CACNG3: variants seen among roughly 807,000 people sequenced by gnomAD.
CACNG3 encodes voltage-dependent calcium channel gamma-3 subunit.
In CACNG3, 3 loss-of-function variants were observed where a neutral mutation model predicts 28.5. The observed-to-expected ratio is 0.11, with a 90% CI of 0.05 to 0.27. The LOEUF (loss-of-function observed/expected upper bound fraction) is 0.27, where lower values mean the gene tolerates loss of function less well. CACNG3 is among the 10% of genes least tolerant of loss of function. The pLI is 1.00. For missense variants in CACNG3, 236 were observed against 414.4 expected (o/e 0.57, Z 3.74); for synonymous variants, 174 against 162.2 (o/e 1.07, Z -0.55).
At chr16:24,328,183 G>T (rs1337966874) in intron 1 of CACNG3, among the ~76,000 whole-genome samples, 2 of 152,026 alleles carry the variant, frequency 1.3e-5, no homozygotes, top group Non-Finnish European at 2.9e-5. Context: ...GTGGTGCTGT[G>T]AGGGCAGATT....
At chr16:24,322,705 T>C (rs1016004019) in intron 1 of CACNG3, among the ~76,000 whole-genome samples, 1 of 152,152 alleles carries the variant, frequency 6.6e-6, no homozygotes, top group African/African-American at 2.4e-5. Flanking sequence ...CCACAGAGGT[T>C]CCTTAAAGTA....
chr16:24,267,959 C>T (rs931686813), intron 1 of CACNG3, among the ~76,000 whole-genome samples: 9 of 152,198 alleles, frequency 5.9e-5, no homozygotes, highest in African/African-American at 9.7e-5. Context: ...CCGTGAGCTA[C>T]CGTGCCCGGC....
chr16:24,270,686 C>T (rs371608819), intron 1 of CACNG3, among the ~76,000 whole-genome samples: 1 of 152,240 alleles, frequency 6.6e-6, no homozygotes, highest in Non-Finnish European at 1.5e-5. Context: ...CCCTGGGGCT[C>T]AGCTGCAGTG....
intron 1 of CACNG3, among the ~76,000 whole-genome samples, chr16:24,319,281 G>T (rs1435809254): frequency 1.3e-5 from 2 of 152,198 alleles, no homozygotes; most frequent in East Asian, 3.9e-4. Flanking sequence ...GGAAGACAAA[G>T]GTTTTTAAAG....
chr16:24,266,594 G>A (rs1001950167), intron 1 of CACNG3, among the ~76,000 whole-genome samples: 3 of 152,186 alleles, frequency 2.0e-5, no homozygotes, highest in Admixed American at 1.3e-4. Flanking sequence ...AAAGAACAGA[G>A]GAGCCAGTGA....
chr16:24,352,133 T>C (rs1899957248), intron 2 of CACNG3, among the ~76,000 whole-genome samples: 1 of 152,058 alleles, frequency 6.6e-6, no homozygotes, highest in South Asian at 2.1e-4. Context: ...AGTTACCAAA[T>C]TTTCAGAAAA....
At chr16:24,300,857 G>C (rs994340911) in intron 1 of CACNG3, among the ~76,000 whole-genome samples, 11 of 152,030 alleles carry the variant, frequency 7.2e-5, no homozygotes, top group African/African-American at 2.4e-4. Context: ...TTTGACACCA[G>C]CTTGGCCAAC....
At chr16:24,294,792 C>G (rs1899010033) in intron 1 of CACNG3, among the ~76,000 whole-genome samples, 1 of 152,172 alleles carries the variant, frequency 6.6e-6, no homozygotes, top group Non-Finnish European at 1.5e-5. Flanking sequence ...CCGTAAGAGT[C>G]TTGTGACAGT....
At chr16:24,258,369 C>A (rs1898496685) in intron 1 of CACNG3, among the ~76,000 whole-genome samples, 1 of 152,190 alleles carries the variant, frequency 6.6e-6, no homozygotes, top group African/African-American at 2.4e-5. Flanking sequence ...ACCTTTAATG[C>A]AGCAAGGATC....
At chr16:24,306,957 T>C (rs1453814345) in intron 1 of CACNG3, among the ~76,000 whole-genome samples, 1 of 152,138 alleles carries the variant, frequency 6.6e-6, no homozygotes, top group African/African-American at 2.4e-5. Flanking sequence ...ACACAACTGA[T>C]TCACAGTTGA....
chr16:24,297,794 C>T (rs1899051963), intron 1 of CACNG3, among the ~76,000 whole-genome samples: 3 of 152,086 alleles, frequency 2.0e-5, no homozygotes, highest in Admixed American at 6.6e-5. Flanking sequence ...CCATGTGAGC[C>T]CTTTGTTCTG....
chr16:24,311,868 T>G (rs1899269352), intron 1 of CACNG3, among the ~76,000 whole-genome samples: 1 of 152,070 alleles, frequency 6.6e-6, no homozygotes, highest in South Asian at 2.1e-4. Context: ...AATAAACAAA[T>G]AAAATTAAAT....
intron 1 of CACNG3, among the ~76,000 whole-genome samples, chr16:24,307,295 T>A (rs914207904): frequency 6.6e-6 from 1 of 152,128 alleles, no homozygotes; most frequent in African/African-American, 2.4e-5. Context: ...CTAATTTTTG[T>A]ATTTTTAGTA....
intron 1 of CACNG3, among the ~76,000 whole-genome samples, chr16:24,265,781 G>C (rs1898602088): frequency 6.6e-6 from 1 of 152,122 alleles, no homozygotes; most frequent in African/African-American, 2.4e-5. Context: ...AAAATTTATA[G>C]AAACTTGTTT....
intron 1 of CACNG3, among the ~76,000 whole-genome samples, chr16:24,305,131 T>G (rs1899167640): frequency 6.6e-6 from 1 of 152,000 alleles, no homozygotes; most frequent in Non-Finnish European, 1.5e-5. Context: ...AGTGTCAATA[T>G]AGGTTCATCA....
At chr16:24,319,491 T>C (rs879474831) in intron 1 of CACNG3, among the ~76,000 whole-genome samples, 22 of 152,184 alleles carry the variant, frequency 1.4e-4, no homozygotes, top group Middle Eastern at 3.2e-3. Context: ...TCTTGCTTTG[T>C]CTCCCAGGCT....
At chr16:24,267,180 A>G (rs1396841238) in intron 1 of CACNG3, among the ~76,000 whole-genome samples, 6 of 152,058 alleles carry the variant, frequency 3.9e-5, no homozygotes, top group Non-Finnish European at 7.4e-5. Flanking sequence ...GTTAGCCAGG[A>G]CAGTCTCGAT....
chr16:24,360,649 G>A (rs1407377686), intron 3 of CACNG3, among the ~76,000 whole-genome samples: 1 of 152,168 alleles, frequency 6.6e-6, no homozygotes, highest in Non-Finnish European at 1.5e-5. Context: ...CCAACTTAAT[G>A]TGTTCAAACC....
chr16:24,320,331 G>A (rs1899439660), intron 1 of CACNG3, among the ~76,000 whole-genome samples: 1 of 152,148 alleles, frequency 6.6e-6, no homozygotes, highest in Admixed American at 6.5e-5. Context: ...TTGCTCTGCA[G>A]CAAAACTTAG....
Sources: gnomAD v4.1 joint callset for allele counts (sites outside exome capture counted in the v4.1 genomes callset) on GRCh38, gnomAD v4.1.1 for gene constraint, MANE v1.5 for transcripts, NCBI Gene and HGNC (gene_info 2026-07-23, HGNC 2026-07-21) for gene names.